The following BICDL1 variants were observed in gnomAD, a reference collection of about 807,000 sequenced individuals.
BICDL1 encodes BICD family like cargo adaptor 1, also known as BICD family-like cargo adapter 1.
Under a neutral mutation model 76.8 loss-of-function variants are expected in BICDL1, and 20 were observed. The ratio of observed to expected loss-of-function variants is 0.26; its 90% CI spans 0.18 to 0.38. The LOEUF (loss-of-function observed/expected upper bound fraction) is 0.38. Among genes scored for constraint, BICDL1 ranks in the 10% least tolerant of loss-of-function variants. The probability of loss-of-function intolerance (pLI) is 1.00; values close to 1 mark genes in which losing one functional copy is unlikely to be tolerated. For missense variants in BICDL1, 700 were observed against 798.6 expected (o/e 0.88, Z 1.49); for synonymous variants, 383 against 337.1 (o/e 1.14, Z -1.49).
chr12:120,070,733 CTT>C (rs72233478), intron 4 of BICDL1, among the ~76,000 whole-genome samples: 13 of 141,792 alleles, frequency 9.2e-5, no homozygotes, highest in Non-Finnish European at 1.2e-4. Flanking sequence ...TGGTATAACT[CTT>C]TTTTTTTTTT....
Position 120,039,361 on chromosome 12 carries a change from C to T in BICDL1, c.646-22349C>T, listed in dbSNP as rs114718902. Among the ~76,000 whole-genome samples the T allele has an allele frequency of 6.2e-3, 931 of 150,370 alleles. 10 individuals carry two copies. The highest frequency in any genetic ancestry group is 0.022 in the African/African-American group (889 of 40,922). On this transcript the variant is annotated intron_variant, in intron 2 of 9. Coordinates refer to ENST00000548673, the MANE Select transcript of BICDL1 (RefSeq NM_001367886.1). ...GTTTATTAGAAAAGGCTTCATGGGC[C>T]GAGCGTGGTGGTTCACGCCTGTAAT... is the stretch of plus-strand genomic sequence containing the variant.
intron 2 of BICDL1, among the ~76,000 whole-genome samples, chr12:120,016,415 T>TA (rs1434488612): frequency 6.6e-6 from 1 of 151,474 alleles, no homozygotes; most frequent in Non-Finnish European, 1.5e-5. Flanking sequence ...GTGGAATTGC[T>TA]ATATGGTATG....
Position 119,990,074 on chromosome 12 carries a change from C to G in BICDL1, c.206C>G (p.Pro69Arg). 3.3e-6 allele frequency: 5 copies of G among 1,536,148 alleles called. No homozygotes were observed. The highest frequency in any genetic ancestry group is 3.5e-6 in the Non-Finnish European group (4 of 1,142,630). ...ELALLAAGER[P>R]SDPGEHPQAE... ...GCGCTGCTGGCGGCCGGGGAGCGGC[C>G]GTCCGACCCCGGGGAACACCCTCAG... is the stretch of plus-strand genomic sequence containing the variant. Residue 69 changes from proline (P) to arginine (R), a missense_variant, in exon 1 of 10, where the codon CCG becomes CGG. Physicochemically the swap from Pro to Arg is moderately radical, Grantham distance 103. This residue lies in a region of BICDL1 where 225 missense variants were observed against 199.6 expected (regional missense o/e 1.13). Transcript: ENST00000548673.
chr12:120,070,217 G>A (rs890054957), intron 4 of BICDL1, among the ~76,000 whole-genome samples: 3 of 152,038 alleles, frequency 2.0e-5, no homozygotes, highest in East Asian at 1.9e-4. Context: ...CAAAGTATTC[G>A]TACATTTTCT....
At chr12:120,040,463 A>G (rs953722110) in intron 2 of BICDL1, among the ~76,000 whole-genome samples, 7 of 151,740 alleles carry the variant, frequency 4.6e-5, no homozygotes, top group Non-Finnish European at 7.4e-5. Context: ...GTTTGGCTCT[A>G]TCGCCCAGGC....
In BICDL1 at chr12:120,079,806, GC is replaced by G. The variant is rs1202276821; in HGVS notation, c.1453-1079del. On this transcript the variant is annotated intron_variant, in intron 7 of 9. Coordinates refer to ENST00000548673, the MANE Select transcript of BICDL1 (RefSeq NM_001367886.1). This position sits in a 1 kb window ranked among gnomAD's most constrained non-coding sequence, Gnocchi z 4.3. Reference sequence around the variant, plus strand: ...TGGGAAAAGGGACAACAAACAAACTGCCGCCCTTGTCACTAATTCCTCCCTC... The same window carrying G: ...TGGGAAAAGGGACAACAAACAAACTGCGCCCTTGTCACTAATTCCTCCCTC... 6.6e-6 allele frequency among the ~76,000 whole-genome samples: 1 copy of G among 152,214 alleles called. No homozygotes were observed. The highest frequency in any genetic ancestry group is 2.4e-5 in the African/African-American group (1 of 41,444).
At chr12:120,041,750 G>A (rs1331671822) in intron 2 of BICDL1, among the ~76,000 whole-genome samples, 1 of 152,064 alleles carries the variant, frequency 6.6e-6, no homozygotes, top group East Asian at 1.9e-4. Context: ...CAGGCAGAGG[G>A]GAATCATATG....
At chr12:120,034,839 T>G (rs1952499858) in intron 2 of BICDL1, among the ~76,000 whole-genome samples, 1 of 152,242 alleles carries the variant, frequency 6.6e-6, no homozygotes, top group Non-Finnish European at 1.5e-5. Context: ...CACAGCTGAT[T>G]GCCTCCTCAA....
intron 2 of BICDL1, among the ~76,000 whole-genome samples, chr12:120,002,869 T>C (rs915272612): frequency 6.6e-6 from 1 of 152,028 alleles, no homozygotes; most frequent in Non-Finnish European, 1.5e-5. Context: ...AAAGACTCGG[T>C]AGGGGGCCGG....
In BICDL1 at chr12:120,071,879, T is replaced by C. The variant is rs1464554590; in HGVS notation, c.1089+78T>C. 20 of 1,443,222 alleles carry C rather than the reference T, an allele frequency of 1.4e-5. No homozygotes were observed. Among genetic ancestry groups the C allele is most frequent in the Non-Finnish European group, 1.8e-5 (20 of 1,098,060 alleles). 89.4% of individuals were successfully genotyped at this position (1,443,222 alleles called of 1,614,324 possible). A position where few individuals can be genotyped will look rare whatever the true frequency, so the allele number is the denominator to read the frequency against. On this transcript the variant is annotated intron_variant, in intron 5 of 9. Coordinates refer to ENST00000548673, the MANE Select transcript of BICDL1 (RefSeq NM_001367886.1). The surrounding 1 kb of genome is among the most constrained non-coding windows in gnomAD (Gnocchi z 4.8). ...CTCATCCTCCTCCCTAGTGCTCAGC[T>C]GCCATCCTGGCAAGGCTGTGCCCCT...
At chr12:120,078,926 G>T (rs1214807198) in intron 7 of BICDL1, among the ~76,000 whole-genome samples, 1 of 152,248 alleles carries the variant, frequency 6.6e-6, no homozygotes, top group African/African-American at 2.4e-5. Context: ...CAGGTGCTTT[G>T]TAGGTCTTGA....
intron 4 of BICDL1, among the ~76,000 whole-genome samples, chr12:120,067,698 G>T (rs959926806): frequency 1.5e-4 from 23 of 152,146 alleles, no homozygotes; most frequent in Non-Finnish European, 3.1e-4. Flanking sequence ...AACTAATTTT[G>T]TCCAGTACAT....
At chr12:120,024,823 TTTG>T (rs142436978) in intron 2 of BICDL1, among the ~76,000 whole-genome samples, 8,369 of 150,796 alleles carry the variant, frequency 0.055, 462 homozygotes, top group African/African-American at 0.14. Context: ...CACCTGGCAT[TTTG>T]TTGTTGTTGT....
At chr12:120,057,025 G>T in intron 2 of BICDL1, 1 of 510,354 alleles carries the variant, frequency 2.0e-6, no homozygotes, top group South Asian at 1.4e-5. Context: ...AGGTGGGAAT[G>T]GTAACAGCAA....
chr12:120,048,869 G>A (rs1952800392), intron 2 of BICDL1, among the ~76,000 whole-genome samples: 3 of 151,990 alleles, frequency 2.0e-5, no homozygotes, highest in Non-Finnish European at 4.4e-5. Context: ...GTTTCTTGGA[G>A]ATTTTTTTCT....
intron 2 of BICDL1, among the ~76,000 whole-genome samples, chr12:120,009,199 G>A (rs369285737): frequency 6.6e-6 from 1 of 152,146 alleles, no homozygotes; most frequent in East Asian, 1.9e-4. Flanking sequence ...TGTTGGCCAG[G>A]ATGGTCTCGA....
chr12:119,990,297 G>A lies in BICDL1; in HGVS notation c.429G>A (p.Glu143=), dbSNP rs750256257. ...QMHKELTDKL[E]HLEQEKHELR... is the part of the protein sequence containing the mutation. ...ATAAGGAGCTGACAGACAAGCTCGA[G>A]GTGAGGACCTCCCTCCAGGGATGGG... The change falls in exon 1 of 10, where the codon GAG becomes GAA. Residue 143 remains glutamate, a splice_region_variant and synonymous_variant. Coordinates refer to ENST00000548673, the MANE Select transcript of BICDL1 (RefSeq NM_001367886.1). 12 of 1,560,562 alleles carry A rather than the reference G, an allele frequency of 7.7e-6. No homozygotes were observed. The highest frequency in any genetic ancestry group is 1.4e-5 in the African/African-American group (1 of 73,426).
intron 2 of BICDL1, among the ~76,000 whole-genome samples, chr12:120,002,370 A>C (rs1197139279): frequency 1.3e-5 from 2 of 152,240 alleles, no homozygotes; most frequent in Non-Finnish European, 2.9e-5. Flanking sequence ...TCTTACCAAC[A>C]GATACAACTC....
chr12:120,093,967 C>A lies in BICDL1; in HGVS notation c.*806C>A. ...CGGGGTCTCCTCCTCCCACAGCTCCCTCCTCCACCCCTCACATACATACAT... is the reference window on the plus strand; with the variant it reads ...CGGGGTCTCCTCCTCCCACAGCTCCATCCTCCACCCCTCACATACATACAT... On this transcript the variant is annotated 3_prime_UTR_variant, in exon 10 of 10. Coordinates refer to ENST00000548673, the MANE Select transcript of BICDL1 (RefSeq NM_001367886.1). 5.4e-5 allele frequency: 18 copies of A among 333,482 alleles called. No individual in the cohort carries two copies. The highest frequency in any genetic ancestry group is 4.2e-4 in the South Asian group (18 of 42,622). The allele number at this position is 333,482 out of a possible 1,614,324, so 20.7% of individuals were successfully genotyped here.
Sources: allele counts gnomAD v4.1 joint callset (sites outside exome capture counted in the v4.1 genomes callset), GRCh38; gene constraint gnomAD v4.1.1; regional missense constraint gnomAD v4.1.1; non-coding constraint Gnocchi (gnomAD v3.1); transcripts MANE v1.5; gene names NCBI Gene and HGNC (gene_info 2026-07-23, HGNC 2026-07-21).